The following HSCB variants were observed in gnomAD, a reference collection of about 807,000 sequenced individuals.
HSCB encodes iron-sulfur cluster co-chaperone protein HscB.
Under a neutral mutation model 31.3 loss-of-function variants are expected in HSCB, and 23 were observed. The observed-to-expected ratio is 0.74, with a 90% confidence interval of 0.53 to 1.04. HSCB has a LOEUF of 1.04. Among genes scored for constraint, HSCB ranks in the 50% least tolerant of loss-of-function variants. HSCB has a pLI of 0.00. For synonymous variants in HSCB, 110 were observed against 104.5 expected, an observed-to-expected ratio of 1.05 and a Z score of -0.32; for missense variants, 297 against 288.1, an observed-to-expected ratio of 1.03 and a Z score of -0.22.
At chr22:28,753,586 C>G (rs1306760233) in intron 5 of HSCB, among the ~76,000 whole-genome samples, 1 of 152,020 alleles carries the variant, frequency 6.6e-6, no homozygotes, top group Non-Finnish European at 1.5e-5. Flanking sequence ...CGCCTGTAAT[C>G]CCAGCACTTT....
intron 5 of HSCB, among the ~76,000 whole-genome samples, chr22:28,752,804 G>A (rs936243305): frequency 2.0e-5 from 3 of 151,974 alleles, no homozygotes; most frequent in Admixed American, 6.6e-5. Context: ...TGATTGGCTA[G>A]GCGTGGTGGC....
intron 3 of HSCB, 182 bp from the exon 4 acceptor site, chr22:28,745,682 A>G (rs971709013): frequency 2.0e-6 from 1 of 502,898 alleles, no homozygotes; most frequent in Admixed American, 3.9e-5. Context: ...GGGTAGCATG[A>G]GTGGAAATCC....
Position 28,745,957 on chromosome 22 carries a change from G to C in HSCB, c.517G>C (p.Ala173Pro). Reference sequence around the variant, plus strand: ...AATAATGGAAATCAATGAAAAACTCGCAGAAGCTGAAAGTGAAGCTGCCAT... The same window carrying C: ...AATAATGGAAATCAATGAAAAACTCCCAGAAGCTGAAAGTGAAGCTGCCAT... ...IEIMEINEKL[A>P]EAESEAAMKE... is the part of the protein sequence containing the mutation. The change falls in exon 4 of 6, where the codon GCA becomes CCA. Residue 173 changes from alanine to proline, a missense_variant. Coordinates refer to ENST00000216027, the MANE Select transcript of HSCB (RefSeq NM_172002.5). 6.2e-7 allele frequency: 1 copy of C among 1,613,824 alleles called. No homozygotes were observed.
chr22:28,742,816 T>C (rs975533439), intron 1 of HSCB: 2 of 159,730 alleles, frequency 1.3e-5, no homozygotes, highest in African/African-American at 4.8e-5. Context: ...ATGAAAAGCT[T>C]AATATTGTGG....
intron 4 of HSCB, among the ~76,000 whole-genome samples, chr22:28,749,593 C>T (rs1601397518): frequency 6.6e-6 from 1 of 152,132 alleles, no homozygotes; most frequent in Non-Finnish European, 1.5e-5. Context: ...CAGAAAAGTA[C>T]TTATAGTTTA....
intron 5 of HSCB, among the ~76,000 whole-genome samples, chr22:28,756,504 T>C (rs1438091270): frequency 6.8e-6 from 1 of 147,510 alleles, no homozygotes; most frequent in East Asian, 2.0e-4. Context: ...GGTCTCACCC[T>C]GTCGCCCAGG....
At position 28,742,174 on chromosome 22, in the gene HSCB, AGCTGCGAT is replaced by A; in HGVS notation, c.86_93del (p.Asp29ValfsTer37). 1 of 1,613,930 alleles carries A rather than the reference AGCTGCGAT, an allele frequency of 6.2e-7. No individual in the cohort carries two copies. Among genetic ancestry groups the A allele is most frequent in the Non-Finnish European group, 8.5e-7 (1 of 1,179,988 alleles). Reference sequence around the variant, plus strand: ...AGGGGTTCCCAGAAGGAGACCGCTAAGCTGCGATGCTGCGTCGCAGGCGGGAAGCAATT... The same window carrying A: ...AGGGGTTCCCAGAAGGAGACCGCTAAGCTGCGTCGCAGGCGGGAAGCAATT... On this transcript the variant is annotated frameshift_variant, in exon 1 of 6. Coordinates refer to ENST00000216027, the MANE Select transcript of HSCB (RefSeq NM_172002.5). LOFTEE classifies it high-confidence loss of function.
In HSCB at chr22:28,744,049, T is replaced by C. The variant is rs569082418; in HGVS notation, c.333+71T>C. The C allele has an allele frequency of 5.2e-5, 61 of 1,180,426 alleles. 1 individual carries two copies. The highest frequency in any genetic ancestry group is 1.8e-5 in the Non-Finnish European group (14 of 787,328). The allele number at this position is 1,180,426 out of a possible 1,614,324, so 73.1% of individuals were successfully genotyped here. ...CTGGGTGGCAGTAGCCTTGTGGTTA[T>C]GTGATTATCAGGGACTGAGCTGGAA... On this transcript the variant is annotated intron_variant, in intron 2 of 5. Coordinates refer to ENST00000216027, the MANE Select transcript of HSCB (RefSeq NM_172002.5).
At chr22:28,742,682 T>G (rs1601382391) in intron 1 of HSCB, 1 of 347,162 alleles carries the variant, frequency 2.9e-6, no homozygotes. Flanking sequence ...GAGGAAAGGG[T>G]ACTTGAGGGG....
In HSCB at chr22:28,742,046, C is replaced by G; in HGVS notation, c.-50C>G. 3 of 1,556,570 alleles carry G rather than the reference C, an allele frequency of 1.9e-6. No individual in the cohort carries two copies. Among genetic ancestry groups the G allele is most frequent in the South Asian group, 2.3e-5 (2 of 86,054 alleles). ...AGCAACATTAGTCTGGTTAGACGCTCTCTTTGCTTTTCCCCACGAGTGACC... is the reference window on the plus strand; with the variant it reads ...AGCAACATTAGTCTGGTTAGACGCTGTCTTTGCTTTTCCCCACGAGTGACC... On this transcript the variant is annotated 5_prime_UTR_variant, in exon 1 of 6. Coordinates refer to ENST00000216027, the MANE Select transcript of HSCB (RefSeq NM_172002.5).
chr22:28,743,933 A>G lies in HSCB; in HGVS notation c.288A>G (p.Gln96=). ...DTAKLQHRYQ[Q]LQRLVHPDFF... is the part of the protein sequence containing the mutation. ...CGAAGCTCCAGCACAGGTACCAGCAACTGCAGCGTCTTGTCCACCCAGATT... is the reference window on the plus strand; with the variant it reads ...CGAAGCTCCAGCACAGGTACCAGCAGCTGCAGCGTCTTGTCCACCCAGATT... Residue 96 remains glutamine, a synonymous_variant, in exon 2 of 6, where the codon CAA becomes CAG. Coordinates refer to ENST00000216027, the MANE Select transcript of HSCB (RefSeq NM_172002.5). The G allele has an allele frequency of 6.2e-7, 1 of 1,614,202 alleles. No homozygotes were observed. Among genetic ancestry groups the G allele is most frequent in the Non-Finnish European group, 8.5e-7 (1 of 1,180,030 alleles).
intron 4 of HSCB, among the ~76,000 whole-genome samples, chr22:28,746,650 A>G (rs2054697511): frequency 6.6e-6 from 1 of 152,146 alleles, no homozygotes; most frequent in African/African-American, 2.4e-5. Flanking sequence ...CTGTAATCCC[A>G]GCACTTTGGG....
chr22:28,753,208 T>C (rs2030376860), intron 5 of HSCB, among the ~76,000 whole-genome samples: 2 of 152,054 alleles, frequency 1.3e-5, no homozygotes, highest in Admixed American at 1.3e-4. Flanking sequence ...TAAATTGATC[T>C]AACAAAGTGT....
At position 28,744,674 on chromosome 22, in the gene HSCB, C is replaced by T. The variant is rs145053439; in HGVS notation, c.393C>T (p.Leu131=). 11 of 1,613,994 alleles carry T rather than the reference C, an allele frequency of 6.8e-6. No homozygotes were observed. The East Asian group carries it at 2.5e-4, about 36-fold the overall frequency. ...STLVNDAYKT[L]LAPLSRGLYL... ...TGGTGAATGATGCCTATAAGACCCT[C>T]CTGGCCCCCCTGAGCAGAGGACTGT... Residue 131 remains leucine, a synonymous_variant, in exon 3 of 6, where the codon CTC becomes CTT. Coordinates refer to ENST00000216027, the MANE Select transcript of HSCB (RefSeq NM_172002.5).
At chr22:28,754,183 C>T (rs1409638977) in intron 5 of HSCB, among the ~76,000 whole-genome samples, 1 of 152,084 alleles carries the variant, frequency 6.6e-6, no homozygotes, top group African/African-American at 2.4e-5. Flanking sequence ...ATGGATGAAC[C>T]TTGAGGACAT....
At chr22:28,746,519 G>T (rs922641758) in intron 4 of HSCB, among the ~76,000 whole-genome samples, 1 of 151,848 alleles carries the variant, frequency 6.6e-6, no homozygotes, top group Non-Finnish European at 1.5e-5. Context: ...TTGAGAGGCC[G>T]AGGAAGGCAG....
chr22:28,752,173 G>A (rs1269528126), intron 5 of HSCB, among the ~76,000 whole-genome samples: 1 of 152,030 alleles, frequency 6.6e-6, no homozygotes, highest in African/African-American at 2.4e-5. Context: ...GCTGGGCGCG[G>A]TGGCTCACAC....
At chr22:28,754,499 G>A (rs564085592) in intron 5 of HSCB, among the ~76,000 whole-genome samples, 106 of 151,914 alleles carry the variant, frequency 7.0e-4, no homozygotes, top group Non-Finnish European at 1.1e-3. Flanking sequence ...GTGAAACCCC[G>A]TCTTTACTGC....
rs759660934 is a variant in HSCB, at chr22:28,745,904, A to G, written c.464A>G (p.Tyr155Cys). 1.2e-6 allele frequency: 2 copies of G among 1,613,560 alleles called. No individual in the cohort carries two copies. Among genetic ancestry groups the G allele is most frequent in the South Asian group, 1.1e-5 (1 of 90,984 alleles). Reference protein sequence around the residue: ...HGIEIPERTDYEMDRQFLIEI... With the variant: ...HGIEIPERTDCEMDRQFLIEI... The stretch of plus-strand genomic sequence containing the variant: ...ATAGAGATTCCTGAAAGGACAGATT[A>G]TGAAATGGACAGGCAATTCCTCATA... The change falls in exon 4 of 6, where the codon TAT becomes TGT. Residue 155 changes from tyrosine (Y) to cysteine (C), a missense_variant. Transcript: ENST00000216027.
Sources: gnomAD v4.1 joint callset for allele counts (sites outside exome capture counted in the v4.1 genomes callset) on GRCh38, gnomAD v4.1.1 for gene constraint, MANE v1.5 for transcripts, NCBI Gene and HGNC (gene_info 2026-07-23, HGNC 2026-07-21) for gene names.